The following NTM variants were observed in gnomAD, a reference collection of about 807,000 sequenced individuals.
NTM encodes IgLON family member 2.
In NTM, 13 loss-of-function variants were observed where a neutral mutation model predicts 42.1. That is an observed-to-expected ratio of 0.31 (90% CI 0.20 to 0.49). NTM has a LOEUF of 0.49. NTM is among the 20% of genes least tolerant of loss of function. The pLI is 0.99. For synonymous variants in NTM, 187 were observed against 179.2 expected, an observed-to-expected ratio of 1.04 and a Z score of -0.35; for missense variants, 373 against 452.8, an observed-to-expected ratio of 0.82 and a Z score of 1.60.
intron 2 of NTM, among the ~76,000 whole-genome samples, chr11:132,033,716 A>G (rs1266752999): frequency 3.3e-5 from 5 of 152,244 alleles, no homozygotes; most frequent in Non-Finnish European, 7.3e-5. Context: ...AGACCTCTGC[A>G]GATCAGCCAT....
intron 2 of NTM, among the ~76,000 whole-genome samples, chr11:131,941,457 C>G (rs147908698): frequency 4.1e-3 from 628 of 152,316 alleles, no homozygotes; most frequent in Non-Finnish European, 6.4e-3. Flanking sequence ...TACTTAATTA[C>G]TTAGCTCCTT....
At chr11:131,863,817 G>A (rs2136987628) in intron 1 of NTM, among the ~76,000 whole-genome samples, 1 of 152,288 alleles carries the variant, frequency 6.6e-6, no homozygotes, top group Middle Eastern at 3.4e-3. Flanking sequence ...CCACATGGCT[G>A]GGGAGGACCA....
chr11:131,700,359 T>G (rs1391234988), intron 1 of NTM, among the ~76,000 whole-genome samples: 6 of 152,306 alleles, frequency 3.9e-5, no homozygotes, highest in Admixed American at 3.9e-4. Context: ...TAACACTCTC[T>G]TCTCCTCATT....
At chr11:131,644,701 C>T (rs2065555458) in intron 1 of NTM, among the ~76,000 whole-genome samples, 1 of 152,192 alleles carries the variant, frequency 6.6e-6, no homozygotes, top group African/African-American at 2.4e-5. Context: ...TTCTCAATTT[C>T]CTTCCCTAAA....
intron 1 of NTM, among the ~76,000 whole-genome samples, chr11:131,828,182 T>A (rs2042359718): frequency 6.6e-6 from 1 of 152,196 alleles, no homozygotes; most frequent in African/African-American, 2.4e-5. Context: ...GTGAGATGAA[T>A]CAGGCAAAGC....
At chr11:131,920,004 A>G (rs1021224225) in intron 2 of NTM, among the ~76,000 whole-genome samples, 9 of 152,200 alleles carry the variant, frequency 5.9e-5, no homozygotes, top group African/African-American at 1.9e-4. Context: ...AGAGGGAGCG[A>G]GAAGAAAGAT....
intron 2 of NTM, among the ~76,000 whole-genome samples, chr11:132,041,417 C>A (rs1355023454): frequency 1.3e-5 from 2 of 152,184 alleles, no homozygotes; most frequent in African/African-American, 4.8e-5. Flanking sequence ...CTCACTCTAA[C>A]ATGCTGATAG....
At chr11:132,015,719 T>C (rs1393075434) in intron 2 of NTM, among the ~76,000 whole-genome samples, 1 of 151,890 alleles carries the variant, frequency 6.6e-6, no homozygotes, top group Non-Finnish European at 1.5e-5. Flanking sequence ...TTTCAGCTAG[T>C]GCATTCCTGG....
At chr11:131,965,501 TATTA>T (rs780273461) in intron 2 of NTM, among the ~76,000 whole-genome samples, 4 of 152,168 alleles carry the variant, frequency 2.6e-5, no homozygotes, top group African/African-American at 7.2e-5. Context: ...AATTAATTAT[TATTA>T]ATTGTATTAT....
chr11:131,890,388 C>T (rs115426511), intron 1 of NTM, among the ~76,000 whole-genome samples: 5,512 of 152,200 alleles, frequency 0.036, 351 homozygotes, highest in African/African-American at 0.13. Context: ...CATTGCTGTG[C>T]TAATGGTAAG....
rs577586033 is a variant in NTM, at chr11:131,511,688, CT to C, written c.82+140802del. On this transcript the variant is annotated intron_variant, in intron 1 of 8. Coordinates refer to ENST00000683400, the MANE Select transcript of NTM (RefSeq NM_001352005.2). ...GACACCAGAATGATGGGATTATTGT[CT>C]TGGGCAATCACACTGTGGCACCTGG... Among the ~76,000 whole-genome samples the C allele has an allele frequency of 3.3e-5, 5 of 152,300 alleles. No homozygotes were observed. The South Asian group carries it at 1.0e-3, about 32-fold the overall frequency.
chr11:132,283,648 G>A (rs532109604), intron 4 of NTM, among the ~76,000 whole-genome samples: 21 of 152,314 alleles, frequency 1.4e-4, no homozygotes, highest in African/African-American at 5.1e-4. Flanking sequence ...AAGAAAAGAA[G>A]CATCCAGTTC....
At chr11:131,405,720 G>A (rs997593205) in intron 1 of NTM, among the ~76,000 whole-genome samples, 2 of 151,994 alleles carry the variant, frequency 1.3e-5, no homozygotes, top group East Asian at 3.9e-4. Flanking sequence ...TTTGTCACTC[G>A]GCTTTATACT....
chr11:131,727,291 T>C (rs890524566), intron 1 of NTM, among the ~76,000 whole-genome samples: 2 of 152,200 alleles, frequency 1.3e-5, no homozygotes, highest in Non-Finnish European at 1.5e-5. Flanking sequence ...TGATGTAGCA[T>C]AATCAAAAGT....
At chr11:131,961,267 T>A (rs1358036623) in intron 2 of NTM, among the ~76,000 whole-genome samples, 1 of 152,204 alleles carries the variant, frequency 6.6e-6, no homozygotes, top group Non-Finnish European at 1.5e-5. Context: ...AGGAAAGAGA[T>A]GATCCCTTTC....
chr11:131,526,822 T>C (rs2050549973), intron 1 of NTM, among the ~76,000 whole-genome samples: 2 of 152,194 alleles, frequency 1.3e-5, no homozygotes, highest in South Asian at 2.1e-4. Flanking sequence ...GGAAAAGTTA[T>C]GTCTTATGCA....
Position 132,146,584 on chromosome 11 carries a change from C to T in NTM, c.400+70C>T. ...GAAAGCCTTCAGGTAAAGGTTTGTT[C>T]TCTGATCCTCAACAGAGATGAGTTA... On this transcript the variant is annotated intron_variant, in intron 3 of 8. Coordinates refer to ENST00000683400, the MANE Select transcript of NTM (RefSeq NM_001352005.2). The surrounding 1 kb of genome is among the most constrained non-coding windows in gnomAD (Gnocchi z 4.5). 2 of 1,498,490 alleles carry T rather than the reference C, an allele frequency of 1.3e-6. No homozygotes were observed. Among genetic ancestry groups the T allele is most frequent in the Admixed American group, 1.8e-5 (1 of 54,204 alleles). 92.8% of individuals were successfully genotyped at this position (1,498,490 alleles called of 1,614,324 possible). A position where few individuals can be genotyped will look rare whatever the true frequency, so the allele number is the denominator to read the frequency against.
chr11:131,777,787 C>T (rs1444030910), intron 1 of NTM, among the ~76,000 whole-genome samples: 1 of 152,132 alleles, frequency 6.6e-6, no homozygotes, highest in Non-Finnish European at 1.5e-5. Context: ...TTATCTACAG[C>T]TTATGACTGT....
intron 1 of NTM, among the ~76,000 whole-genome samples, chr11:131,400,816 A>C (rs1945049257): frequency 6.6e-6 from 1 of 152,148 alleles, no homozygotes; most frequent in Non-Finnish European, 1.5e-5. Flanking sequence ...GTTTTAGAAA[A>C]TCTAGGATAT....
Sources: gnomAD v4.1 joint callset for allele counts (sites outside exome capture counted in the v4.1 genomes callset) on GRCh38, gnomAD v4.1.1 for gene constraint, Gnocchi (gnomAD v3.1) non-coding constraint, MANE v1.5 for transcripts, NCBI Gene and HGNC (gene_info 2026-07-23, HGNC 2026-07-21) for gene names.